The following CLMP variants were observed in gnomAD, a reference collection of about 807,000 sequenced individuals.
The protein encoded by CLMP is CXADR like cell adhesion molecule.
In CLMP, 27 loss-of-function variants were observed where a neutral mutation model predicts 45.2. That is an observed-to-expected ratio of 0.60 (90% CI 0.44 to 0.82). The LOEUF (loss-of-function observed/expected upper bound fraction) is 0.82. Ranked by LOEUF, CLMP falls within the 40% of genes least tolerant of loss-of-function variation. CLMP has a pLI of 0.00. For synonymous variants in CLMP, 167 were observed against 171.4 expected (o/e 0.97, Z 0.20); for missense variants, 403 against 448.4 (o/e 0.90, Z 0.91).
intron 1 of CLMP, among the ~76,000 whole-genome samples, chr11:123,169,548 G>A (rs149418397): frequency 3.8e-4 from 58 of 152,196 alleles, no homozygotes; most frequent in Middle Eastern, 3.4e-3. Flanking sequence ...TCTTAGATAG[G>A]GAGGTTTTTA....
chr11:123,119,057 CTCT>C (rs1860773126), intron 1 of CLMP, among the ~76,000 whole-genome samples: 1 of 34,092 alleles, frequency 2.9e-5, no homozygotes, highest in Admixed American at 3.6e-4. Flanking sequence ...CTCTCCCTCT[CTCT>C]CTCTCTCTCT....
Position 123,071,088 on chromosome 11 carries a change from T to C in CLMP, c.*2386A>G, listed in dbSNP as rs1865666249. The C allele has an allele frequency of 6.6e-6, 1 of 152,226 alleles. No individual in the cohort carries two copies. Among genetic ancestry groups the C allele is most frequent in the South Asian group, 2.1e-4 (1 of 4,828 alleles). The allele number at this position is 152,226 out of a possible 1,614,324, so 9.4% of individuals were successfully genotyped here. On this transcript the variant is annotated 3_prime_UTR_variant, in exon 7 of 7. Coordinates refer to ENST00000448775, the MANE Select transcript of CLMP (RefSeq NM_024769.5). ...TTCCCATTTTAGAAACATGCTTTCATCACCACATTCAGCATCAATTTTTTT... is the reference window on the plus strand; with the variant it reads ...TTCCCATTTTAGAAACATGCTTTCACCACCACATTCAGCATCAATTTTTTT...
intron 1 of CLMP, among the ~76,000 whole-genome samples, chr11:123,137,427 G>A (rs913810993): frequency 6.6e-5 from 10 of 152,050 alleles, no homozygotes; most frequent in Non-Finnish European, 1.3e-4. Context: ...GATGCGGAAG[G>A]GAAAGAGGAG....
At chr11:123,079,492 C>T (rs1865776596) in intron 5 of CLMP, among the ~76,000 whole-genome samples, 2 of 152,088 alleles carry the variant, frequency 1.3e-5, no homozygotes, top group African/African-American at 2.4e-5. Context: ...CTCTCTCTGT[C>T]ACCCAGGCTG....
intron 1 of CLMP, among the ~76,000 whole-genome samples, chr11:123,129,607 ATAT>A (rs919890032): frequency 1.4e-5 from 2 of 141,090 alleles, no homozygotes; most frequent in African/African-American, 5.2e-5. Flanking sequence ...TATATAATAT[ATAT>A]TATATTTATA....
chr11:123,102,016 C>A (rs1345716490), intron 1 of CLMP, among the ~76,000 whole-genome samples: 1 of 152,072 alleles, frequency 6.6e-6, no homozygotes, highest in Non-Finnish European at 1.5e-5. Context: ...CAAACCCTAT[C>A]TCCACTAAAA....
chr11:123,140,882 TG>T (rs1565394747), intron 1 of CLMP, among the ~76,000 whole-genome samples: 1 of 152,156 alleles, frequency 6.6e-6, no homozygotes, highest in African/African-American at 2.4e-5. Flanking sequence ...GTTTGGGTCT[TG>T]GGGGTGGATC....
At chr11:123,080,101 C>A (rs1487454811) in intron 5 of CLMP, among the ~76,000 whole-genome samples, 1 of 152,120 alleles carries the variant, frequency 6.6e-6, no homozygotes, top group East Asian at 1.9e-4. Flanking sequence ...AAACATAAAA[C>A]ATGGGCCTCT....
chr11:123,086,099 A>G (rs1000492382), intron 2 of CLMP, among the ~76,000 whole-genome samples: 2 of 150,048 alleles, frequency 1.3e-5, no homozygotes, highest in African/African-American at 4.9e-5. Flanking sequence ...TTTAGTAGAG[A>G]TGGGGTTTCA....
chr11:123,081,727 C>T (rs1467877910), intron 5 of CLMP, among the ~76,000 whole-genome samples: 5 of 152,044 alleles, frequency 3.3e-5, no homozygotes, highest in East Asian at 3.9e-4. Flanking sequence ...CCAGGTGTGA[C>T]GGCATGTGCC....
rs570771751 is a variant in CLMP at position 123,170,426 on chromosome 11, T to G, written c.28+24487A>C. 1.8e-4 allele frequency among the ~76,000 whole-genome samples: 27 copies of G among 148,796 alleles called. No individual in the cohort carries two copies. The East Asian group carries it at 5.5e-3, about 30-fold the overall frequency. On this transcript the variant is annotated intron_variant, in intron 1 of 6. Coordinates refer to ENST00000448775, the MANE Select transcript of CLMP (RefSeq NM_024769.5). Reference sequence around the variant, plus strand: ...CCTTTTGGCTAACTTAAGTGTTGTGTTGCACATGAAACCTGCTTTTTTTTT... The same window carrying G: ...CCTTTTGGCTAACTTAAGTGTTGTGGTGCACATGAAACCTGCTTTTTTTTT...
chr11:123,138,509 G>T (rs772710649), intron 1 of CLMP, among the ~76,000 whole-genome samples: 4 of 151,822 alleles, frequency 2.6e-5, no homozygotes, highest in Admixed American at 2.6e-4. Context: ...TTTCCTGCTG[G>T]TTACAGAGAT....
chr11:123,177,948 C>T (rs548257222), intron 1 of CLMP, among the ~76,000 whole-genome samples: 11 of 152,234 alleles, frequency 7.2e-5, no homozygotes, highest in East Asian at 1.9e-4. Context: ...CTGCAACCTC[C>T]GCCTCCCGGG....
chr11:123,150,442 A>G (rs111390500), intron 1 of CLMP, among the ~76,000 whole-genome samples: 1 of 76,528 alleles, frequency 1.3e-5, no homozygotes, highest in Non-Finnish European at 2.7e-5. Flanking sequence ...AAAGAAAGAA[A>G]GAAAGAAAGA....
chr11:123,111,441 T>C (rs186797862), intron 1 of CLMP, among the ~76,000 whole-genome samples: 2 of 152,254 alleles, frequency 1.3e-5, no homozygotes, highest in Admixed American at 1.3e-4. Flanking sequence ...ATAGTTTTGT[T>C]CCATTATTAA....
intron 1 of CLMP, among the ~76,000 whole-genome samples, chr11:123,194,078 C>T (rs1257320324): frequency 2.0e-5 from 3 of 152,052 alleles, no homozygotes; most frequent in Non-Finnish European, 4.4e-5. Flanking sequence ...CCGGTGGGCT[C>T]CTACCACCCA....
At chr11:123,132,054 A>T (rs1445693492) in intron 1 of CLMP, among the ~76,000 whole-genome samples, 2 of 152,256 alleles carry the variant, frequency 1.3e-5, no homozygotes, top group African/African-American at 4.8e-5. Context: ...AGTAAGAAGT[A>T]CAAAAGTGAA....
chr11:123,194,963 T>C lies in CLMP; in HGVS notation c.-23A>G, dbSNP rs2135557002. ...CATCCCGATCCCCGGACGCGGGCGC[T>C]TCCCCGCTCAGCTGCTGCTTGGCTC... On this transcript the variant is annotated 5_prime_UTR_variant, in exon 1 of 7. Transcript: ENST00000448775. The C allele has an allele frequency of 6.2e-7, 1 of 1,610,898 alleles. No individual in the cohort carries two copies.
chr11:123,169,297 G>C (rs1187067547), intron 1 of CLMP, among the ~76,000 whole-genome samples: 2 of 152,198 alleles, frequency 1.3e-5, no homozygotes. Context: ...TGCTGGGTTT[G>C]CAAGTAACTG....
Sources: gnomAD v4.1 joint callset for allele counts (sites outside exome capture counted in the v4.1 genomes callset) on GRCh38, gnomAD v4.1.1 for gene constraint, MANE v1.5 for transcripts, NCBI Gene and HGNC (gene_info 2026-07-23, HGNC 2026-07-21) for gene names.